The following TOP1MT variants were observed in gnomAD, a reference collection of about 807,000 sequenced individuals.
The protein encoded by TOP1MT is DNA topoisomerase I mitochondrial.
A neutral mutation model predicts 73.9 loss-of-function variants in TOP1MT; 80 were observed. The observed-to-expected ratio is 1.08, with a 90% CI of 0.90 to 1.30. TOP1MT has a LOEUF of 1.30. Among genes scored for constraint, TOP1MT ranks in the 50% most tolerant of loss-of-function variants. The pLI is 0.00. For missense variants in TOP1MT, 815 were observed against 808.0 expected, an observed-to-expected ratio of 1.01 and a Z score of -0.10; for synonymous variants, 338 against 326.4, an observed-to-expected ratio of 1.04 and a Z score of -0.38.
At chr8:143,315,934 G>A (rs1314177735) in intron 11 of TOP1MT, 65 bp downstream of exon 11, 53 of 1,610,050 alleles carry the variant, frequency 3.3e-5, no homozygotes, top group African/African-American at 1.2e-4. Context: ...GGCCTGTGCC[G>A]AGGCTCTGGG....
At chr8:143,332,232 G>C (rs1211923158) in intron 1 of TOP1MT, among the ~76,000 whole-genome samples, 2 of 152,256 alleles carry the variant, frequency 1.3e-5, no homozygotes, top group Non-Finnish European at 2.9e-5. Flanking sequence ...GGGCTCAACT[G>C]AACCTAGATT....
chr8:143,355,311 C>G (rs1817390071), intron 1 of TOP1MT: 1 of 152,232 alleles, frequency 6.6e-6, no homozygotes, highest in Non-Finnish European at 1.5e-5. Flanking sequence ...CTCAAACGGA[C>G]TCATCCTACC....
intron 7 of TOP1MT, among the ~76,000 whole-genome samples, chr8:143,321,648 CAG>C (rs1467806192): frequency 0.012 from 753 of 65,468 alleles, 74 homozygotes; most frequent in African/African-American, 0.034. Flanking sequence ...ACGCCACACA[CAG>C]GCACGCCACA....
chr8:143,359,317 G>A (rs1422208821), upstream of TOP1MT: 9 of 985,272 alleles, frequency 9.1e-6, no homozygotes, highest in Non-Finnish European at 6.0e-6. Flanking sequence ...AGGGAGGCAG[G>A]TCACCACGCC....
At position 143,325,490 on chromosome 8, in the gene TOP1MT, T is replaced by C. The variant is rs1288315518; in HGVS notation, c.527A>G (p.Tyr176Cys). The change falls in exon 5 of 14, where the codon TAC (tyrosine) becomes TGC (cysteine). Residue 176 changes from tyrosine to cysteine, a missense_variant. By Grantham distance (194) the Tyr-to-Cys change is radical. This residue lies in a region of TOP1MT where 751 missense variants were observed against 725.4 expected (regional missense o/e 1.04). Coordinates refer to ENST00000329245, the MANE Select transcript of TOP1MT (RefSeq NM_052963.3). ...TTCTTGGTGACCATCTAAAATACAG[T>C]AGCCGAACTCTTGCTGAAGTTTTTC... Reference protein sequence around the residue: ...EAEKLQQEFGYCILDGHQEKI... With the variant: ...EAEKLQQEFGCCILDGHQEKI... 18 of 1,611,980 alleles carry C rather than the reference T, an allele frequency of 1.1e-5. No homozygotes were observed. The highest frequency in any genetic ancestry group is 1.5e-5 in the Non-Finnish European group (18 of 1,178,244).
chr8:143,359,657 A>C (rs1347566062), upstream of TOP1MT, among the ~76,000 whole-genome samples: 6 of 144,816 alleles, frequency 4.1e-5, no homozygotes, highest in Admixed American at 4.1e-4. Context: ...GGAAACACTG[A>C]GGGGTGAAGC....
Position 143,317,395 on chromosome 8 carries a change from G to C in TOP1MT, c.1330+328C>G, listed in dbSNP as rs1816197445. The stretch of plus-strand genomic sequence containing the variant: ...AGGGACAGAACCACTGGAAAGTGCA[G>C]AGGCCTCCTGGGCCTTCAAGAAAGA... On this transcript the variant is annotated intron_variant, in intron 10 of 13. Coordinates refer to ENST00000329245, the MANE Select transcript of TOP1MT (RefSeq NM_052963.3). 1.3e-5 allele frequency among the ~76,000 whole-genome samples: 2 copies of C among 152,222 alleles called. 1 individual carries two copies. Among genetic ancestry groups the C allele is most frequent in the South Asian group, 4.1e-4 (2 of 4,836 alleles).
chr8:143,332,712 T>C (rs539004976), intron 1 of TOP1MT: 1 of 522,890 alleles, frequency 1.9e-6, no homozygotes, highest in Non-Finnish European at 3.2e-6. Context: ...GCTGATAAAG[T>C]AGGGAGAAGT....
At chr8:143,321,906 A>ACC (rs1816416069) in intron 7 of TOP1MT, among the ~76,000 whole-genome samples, 1 of 98,822 alleles carries the variant, frequency 1.0e-5, no homozygotes, top group African/African-American at 3.6e-5. Flanking sequence ...CACGCCACAC[A>ACC]CACAGGCACG....
upstream of TOP1MT, among the ~76,000 whole-genome samples, chr8:143,347,066 C>G (rs1298879799): frequency 2.6e-5 from 4 of 151,570 alleles, no homozygotes; most frequent in Non-Finnish European, 4.4e-5. Flanking sequence ...CTCACTGCAA[C>G]CTCCGCCTCC....
intron 4 of TOP1MT, 35 bp from the exon 5 acceptor site, chr8:143,325,568 T>A: frequency 6.3e-7 from 1 of 1,586,272 alleles, no homozygotes; most frequent in Non-Finnish European, 8.6e-7. Flanking sequence ...ACATTAGCAG[T>A]GAAGAGAAGA....
chr8:143,312,998 A>C (rs552457516), intron 12 of TOP1MT, among the ~76,000 whole-genome samples: 1 of 152,178 alleles, frequency 6.6e-6, no homozygotes, highest in African/African-American at 2.4e-5. Flanking sequence ...GGATTGCTTG[A>C]GCCCAGCAAG....
intron 3 of TOP1MT, chr8:143,328,239 G>A: frequency 2.2e-6 from 1 of 456,240 alleles, no homozygotes; most frequent in East Asian, 6.9e-5. Context: ...ACAGTTTTCT[G>A]TTTGGAGACC....
intron 8 of TOP1MT, 113 bp downstream of exon 8, chr8:143,321,088 C>G: frequency 8.8e-7 from 1 of 1,133,098 alleles, no homozygotes; most frequent in South Asian, 1.5e-5. Context: ...CCTCACCCAG[C>G]AGGCAGGACG....
upstream of TOP1MT, among the ~76,000 whole-genome samples, chr8:143,337,953 C>G (rs981176345): frequency 1.3e-5 from 2 of 152,132 alleles, no homozygotes; most frequent in Admixed American, 6.6e-5. Flanking sequence ...AGTTACGTAG[C>G]CCCCACTTGC....
intron 7 of TOP1MT, among the ~76,000 whole-genome samples, chr8:143,321,762 GGCACGCCACACACAC>G (rs1164400513): frequency 9.1e-5 from 3 of 33,110 alleles, no homozygotes; most frequent in African/African-American, 3.4e-4. Flanking sequence ...CACAAACACA[GGCACGCCACACACAC>G]GCACGCCACA....
In TOP1MT at chr8:143,315,818, G is replaced by C; in HGVS notation, c.1462C>G (p.Gln488Glu). Residue 488 changes from glutamine to glutamate, a missense_variant, in exon 12 of 14, where the codon CAG (glutamine) becomes GAG (glutamate). Coordinates refer to ENST00000329245, the MANE Select transcript of TOP1MT (RefSeq NM_052963.3). ...KSMQNLQTKI[Q>E]AKKEQVAEAR... is the part of the protein sequence containing the mutation. Reference sequence around the variant, plus strand: ...TCAGCCACCTGCTCCTTCTTTGCCTGGATCTGCAGGAAAAGGGTCCAGACA... The same window carrying C: ...TCAGCCACCTGCTCCTTCTTTGCCTCGATCTGCAGGAAAAGGGTCCAGACA... 1 of 1,613,398 alleles carries C rather than the reference G, an allele frequency of 6.2e-7. No individual in the cohort carries two copies.
intron 8 of TOP1MT, among the ~76,000 whole-genome samples, chr8:143,318,737 G>A (rs1377167193): frequency 2.0e-5 from 3 of 152,076 alleles, no homozygotes; most frequent in Admixed American, 2.0e-4. Flanking sequence ...CGGGCAGGAG[G>A]CCCCGCACCC....
Position 143,310,959 on chromosome 8 carries a change from C to CTT in TOP1MT, c.1554-744_1554-743dup, listed in dbSNP as rs36007345. ...GAAATGCTTAAGAAATTTCTCTTGG[C>CTT]TTTTTTTTTTTTTTTTTGAGACGGA... On this transcript the variant is annotated intron_variant, in intron 12 of 13. Coordinates refer to ENST00000329245, the MANE Select transcript of TOP1MT (RefSeq NM_052963.3). 2.0e-3 allele frequency among the ~76,000 whole-genome samples: 261 copies of CTT among 128,094 alleles called. 2 individuals carry two copies. The highest frequency in any genetic ancestry group is 3.9e-3 in the South Asian group (15 of 3,890). 84.0% of individuals were successfully genotyped at this position (128,094 alleles called of 152,430 possible).
Sources: allele counts gnomAD v4.1 joint callset (sites outside exome capture counted in the v4.1 genomes callset), GRCh38; gene constraint gnomAD v4.1.1; regional missense constraint gnomAD v4.1.1; transcripts MANE v1.5; gene names NCBI Gene and HGNC (gene_info 2026-07-23, HGNC 2026-07-21).